RNF125: variants seen among roughly 807,000 people sequenced by gnomAD.
The protein encoded by RNF125 is ring finger protein 125, also known as E3 ubiquitin-protein ligase RNF125.
A neutral mutation model predicts 26.0 loss-of-function variants in RNF125; 21 were observed. The observed-to-expected ratio is 0.81, with a 90% CI of 0.57 to 1.16. RNF125 has a LOEUF of 1.16. Ranked by LOEUF, RNF125 falls within the 50% of genes most tolerant of loss-of-function variation. The probability of loss-of-function intolerance (pLI) is 0.00; values close to 1 mark genes in which losing one functional copy is unlikely to be tolerated. For missense variants in RNF125, 270 were observed against 299.4 expected, an observed-to-expected ratio of 0.90 and a Z score of 0.72; for synonymous variants, 95 against 109.2, an observed-to-expected ratio of 0.87 and a Z score of 0.81.
Position 32,068,478 on chromosome 18 carries a change from CA to C in RNF125, c.*99del. 1.3e-6 allele frequency: 1 copy of C among 743,340 alleles called. No homozygotes were observed. Among genetic ancestry groups the C allele is most frequent in the Non-Finnish European group, 2.4e-6 (1 of 410,996 alleles). 46.0% of individuals were successfully genotyped at this position (743,340 alleles called of 1,614,324 possible). On this transcript the variant is annotated 3_prime_UTR_variant, in exon 6 of 6. Transcript: ENST00000217740. ...AGGGAAGTTGTCAATGATTGATGGG[CA>C]AAAATGTACAACACAGTTATGTGTT...
At chr18:32,075,415 C>T (rs1194135251), downstream of RNF125, among the ~76,000 whole-genome samples, 1 of 152,032 alleles carries the variant, frequency 6.6e-6, no homozygotes, top group East Asian at 1.9e-4. Flanking sequence ...AAAAATTGGC[C>T]AGGCACAGTG....
rs149965057 is a variant in RNF125, at chr18:32,042,832, G to A, written c.413+559G>A. Among the ~76,000 whole-genome samples the A allele has an allele frequency of 7.4e-3, 1,110 of 150,726 alleles. 13 individuals are homozygous for A. Among genetic ancestry groups the A allele is most frequent in the Non-Finnish European group, 0.01 (700 of 67,770 alleles). ...ACAGATGTAATGGAGGATATTGATAGTATTTTATTCTTTAAAAAAAGAGAA... is the reference window on the plus strand; with the variant it reads ...ACAGATGTAATGGAGGATATTGATAATATTTTATTCTTTAAAAAAAGAGAA... On this transcript the variant is annotated intron_variant, in intron 3 of 5. Coordinates refer to ENST00000217740, the MANE Select transcript of RNF125 (RefSeq NM_017831.4).
At chr18:32,055,462 C>G (rs1310270824) in intron 4 of RNF125, among the ~76,000 whole-genome samples, 1 of 152,082 alleles carries the variant, frequency 6.6e-6, no homozygotes, top group African/African-American at 2.4e-5. Context: ...TTGCACATGG[C>G]TGGGGTGGCC....
intron 4 of RNF125, among the ~76,000 whole-genome samples, chr18:32,057,113 A>G (rs1334547806): frequency 6.6e-6 from 1 of 152,076 alleles, no homozygotes; most frequent in Non-Finnish European, 1.5e-5. Flanking sequence ...CAACATCTTA[A>G]TTTCCCTTCT....
intron 1 of RNF125, among the ~76,000 whole-genome samples, chr18:32,026,572 A>T (rs906007798): frequency 1.3e-5 from 2 of 151,976 alleles, no homozygotes; most frequent in East Asian, 1.9e-4. Context: ...AGCAGAGAGA[A>T]TGGTAGCTGT....
Position 32,071,528 on chromosome 18 carries a change from A to C in RNF125, c.*3144A>C, listed in dbSNP as rs1195408768. Reference sequence around the variant, plus strand: ...GCATAGATTAGTATCTCCATCTTGTAAGGATGCAAAGAAGCCATGAAAATA... The same window carrying C: ...GCATAGATTAGTATCTCCATCTTGTCAGGATGCAAAGAAGCCATGAAAATA... On this transcript the variant is annotated 3_prime_UTR_variant, in exon 6 of 6. Coordinates refer to ENST00000217740, the MANE Select transcript of RNF125 (RefSeq NM_017831.4). The C allele has an allele frequency of 3.9e-5, 6 of 152,204 alleles. No individual in the cohort carries two copies. Among genetic ancestry groups the C allele is most frequent in the Non-Finnish European group, 8.8e-5 (6 of 68,034 alleles). 9.4% of individuals were successfully genotyped at this position (152,204 alleles called of 1,614,324 possible).
intron 1 of RNF125, among the ~76,000 whole-genome samples, chr18:32,031,586 G>T (rs2039097151): frequency 6.7e-6 from 1 of 148,746 alleles, no homozygotes; most frequent in South Asian, 2.2e-4. Context: ...AATAATTCAT[G>T]TCAGAACCAT....
At chr18:32,076,893 A>G (rs971304502), downstream of RNF125, among the ~76,000 whole-genome samples, 1 of 152,180 alleles carries the variant, frequency 6.6e-6, no homozygotes, top group Non-Finnish European at 1.5e-5. Flanking sequence ...TCTTCTCATA[A>G]AGGAATTACC....
In RNF125 at chr18:32,019,015, G is replaced by T. The variant is rs769984892; in HGVS notation, c.152G>T (p.Arg51Leu). 5 of 1,612,618 alleles carry T rather than the reference G, an allele frequency of 3.1e-6. No individual in the cohort carries two copies. Among genetic ancestry groups the T allele is most frequent in the Non-Finnish European group, 4.2e-6 (5 of 1,179,382 alleles). ...LEVLHQPVRT[R>L]CGHVFCRSCI... Reference sequence around the variant, plus strand: ...GTGTTACACCAGCCTGTCCGGACCCGCTGTGGCCACGTGTAAGTTCCAGGG... The same window carrying T: ...GTGTTACACCAGCCTGTCCGGACCCTCTGTGGCCACGTGTAAGTTCCAGGG... The change falls in exon 1 of 6, where the codon CGC (arginine) becomes CTC (leucine). Residue 51 changes from arginine to leucine, a missense_variant. Arg to Leu is a moderately radical substitution (Grantham distance 102, BLOSUM62 -2). Coordinates refer to ENST00000217740, the MANE Select transcript of RNF125 (RefSeq NM_017831.4).
chr18:32,019,600 C>T (rs1271492761), intron 1 of RNF125, among the ~76,000 whole-genome samples: 1 of 152,086 alleles, frequency 6.6e-6, no homozygotes, highest in Non-Finnish European at 1.5e-5. Flanking sequence ...CCCACCCCTG[C>T]TACCCTTTCC....
At chr18:32,044,891 C>T (rs781105040) in intron 3 of RNF125, among the ~76,000 whole-genome samples, 7 of 151,612 alleles carry the variant, frequency 4.6e-5, no homozygotes, top group East Asian at 1.9e-4. Context: ...GAGGTCAAGG[C>T]GGGTGGATTG....
At chr18:32,056,696 A>T (rs1017712535) in intron 4 of RNF125, among the ~76,000 whole-genome samples, 7 of 149,212 alleles carry the variant, frequency 4.7e-5, no homozygotes, top group Non-Finnish European at 7.4e-5. Flanking sequence ...GCAAAACTCC[A>T]TCTCAAAAAA....
chr18:32,030,217 A>G (rs2039078678), intron 1 of RNF125, among the ~76,000 whole-genome samples: 1 of 151,760 alleles, frequency 6.6e-6, no homozygotes, highest in East Asian at 1.9e-4. Context: ...CTAATTTTGT[A>G]TTTTTAGTAG....
intron 4 of RNF125, among the ~76,000 whole-genome samples, chr18:32,047,944 G>A (rs1472829345): frequency 6.6e-6 from 1 of 152,144 alleles, no homozygotes; most frequent in Non-Finnish European, 1.5e-5. Context: ...GGCCAACACG[G>A]TGAAACCCCG....
At chr18:32,089,741 T>C in the RNF125 span, among the ~76,000 whole-genome samples, 4 of 152,178 alleles carry the variant, frequency 2.6e-5, no homozygotes, top group African/African-American at 9.7e-5. Flanking sequence ...AATGACTTAT[T>C]AGAATATATG....
intron 4 of RNF125, among the ~76,000 whole-genome samples, chr18:32,052,397 G>T (rs2039337482): frequency 6.6e-6 from 1 of 151,738 alleles, no homozygotes. Context: ...GGAGGCTGAG[G>T]CAGGAGAATT....
At chr18:32,023,340 G>T (rs1275989265) in intron 1 of RNF125, among the ~76,000 whole-genome samples, 1 of 152,018 alleles carries the variant, frequency 6.6e-6, no homozygotes. Flanking sequence ...TTTTGTAGAG[G>T]CAGGGTTTCG....
intron 4 of RNF125, among the ~76,000 whole-genome samples, chr18:32,053,642 GC>G (rs1199968559): frequency 2.0e-5 from 3 of 151,872 alleles, no homozygotes; most frequent in African/African-American, 7.3e-5. Flanking sequence ...TTAAAAATTA[GC>G]CAGGCACATT....
At chr18:32,022,371 C>A (rs930603085) in intron 1 of RNF125, among the ~76,000 whole-genome samples, 1 of 152,186 alleles carries the variant, frequency 6.6e-6, no homozygotes, top group African/African-American at 2.4e-5. Context: ...AGATGTGTGA[C>A]CACTTTAGGG....
Sources: gnomAD v4.1 joint callset for allele counts (sites outside exome capture counted in the v4.1 genomes callset) on GRCh38, gnomAD v4.1.1 for gene constraint, MANE v1.5 for transcripts, NCBI Gene and HGNC (gene_info 2026-07-23, HGNC 2026-07-21) for gene names.